DNAH7: variants seen among roughly 807,000 people sequenced by gnomAD.
DNAH7 encodes the protein dynein axonemal heavy chain 7.
DNAH7 carries 397 observed loss-of-function variants against 444.6 expected under a neutral mutation model. The observed-to-expected ratio is 0.89, with a 90% CI of 0.82 to 0.97. The LOEUF (loss-of-function observed/expected upper bound fraction) is 0.97. DNAH7 is among the 50% of genes least tolerant of loss of function. The pLI is 0.00. For synonymous variants in DNAH7, 1,636 were observed against 1,624.4 expected (o/e 1.01, Z -0.17); for missense variants, 4,902 against 4,800.8 (o/e 1.02, Z -0.62).
intron 36 of DNAH7, among the ~76,000 whole-genome samples, chr2:195,880,274 TAAGAACAAAGACTTAGCTATAAA>T (rs1311750360): frequency 1.3e-5 from 2 of 151,646 alleles, no homozygotes; most frequent in Non-Finnish European, 2.9e-5. Flanking sequence ...TAAGCAAAGA[TAAGAACAAAGACTTAGCTATAAA>T]AACGTTCATT....
chr2:195,737,845 G>GGTT lies in DNAH7; in HGVS notation c.*73_*75dup. ...ATGTATTTAAACAAACAAAAAAAAA[G>GGTT]GTTTAAGTAGTAAAATATGCTTTCT... On this transcript the variant is annotated 3_prime_UTR_variant, in exon 65 of 65. Transcript: ENST00000312428. 7.6e-7 allele frequency: 1 copy of GGTT among 1,315,556 alleles called. No individual in the cohort carries two copies. Among genetic ancestry groups the GGTT allele is most frequent in the Non-Finnish European group, 1.1e-6 (1 of 950,002 alleles). 81.5% of individuals were successfully genotyped at this position (1,315,556 alleles called of 1,614,324 possible). A position where few individuals can be genotyped will look rare whatever the true frequency, so the allele number is the denominator to read the frequency against.
intron 51 of DNAH7, among the ~76,000 whole-genome samples, chr2:195,814,761 A>G (rs1242344314): frequency 1.3e-5 from 2 of 151,132 alleles, no homozygotes; most frequent in Non-Finnish European, 2.9e-5. Context: ...TCTTTTGGAG[A>G]TGGGGTCTCA....
chr2:196,020,160 A>G (rs1055942169), intron 8 of DNAH7, among the ~76,000 whole-genome samples: 4 of 151,244 alleles, frequency 2.6e-5, no homozygotes, highest in African/African-American at 9.8e-5. Flanking sequence ...TATAATACAT[A>G]TAACACATAA....
Position 196,013,808 on chromosome 2 carries a change from A to G in DNAH7, c.870-902T>C, listed in dbSNP as rs189424174. On this transcript the variant is annotated intron_variant, in intron 9 of 64. Coordinates refer to ENST00000312428, the MANE Select transcript of DNAH7 (RefSeq NM_018897.3). ...AGCATAATAGCACATAGTAAACATG[A>G]TCTGATCTCTTTAGCTTCCTAGTCA... is the stretch of plus-strand genomic sequence containing the variant. 7.9e-5 allele frequency among the ~76,000 whole-genome samples: 12 copies of G among 152,348 alleles called. No homozygotes were observed. In the East Asian group the frequency reaches 2.1e-3, roughly 27 times the overall value.
chr2:195,947,443 A>G (rs1689893055), intron 19 of DNAH7, among the ~76,000 whole-genome samples: 1 of 151,008 alleles, frequency 6.6e-6, no homozygotes, highest in African/African-American at 2.4e-5. Flanking sequence ...TCCCTCCCCT[A>G]CCCCTTCACC....
intron 10 of DNAH7, among the ~76,000 whole-genome samples, chr2:196,009,280 C>T (rs2125712591): frequency 6.6e-6 from 1 of 152,218 alleles, no homozygotes. Flanking sequence ...GTAATGGTTG[C>T]ACAACCTTGC....
At chr2:195,964,815 G>A (rs1219387962) in intron 17 of DNAH7, among the ~76,000 whole-genome samples, 1 of 151,156 alleles carries the variant, frequency 6.6e-6, no homozygotes, top group Non-Finnish European at 1.5e-5. Context: ...GGCAGAGGTT[G>A]CAGTGAGCCG....
intron 47 of DNAH7, 78 bp downstream of exon 47, chr2:195,844,924 C>A: frequency 7.5e-7 from 1 of 1,337,976 alleles, no homozygotes; most frequent in Non-Finnish European, 1.0e-6. Flanking sequence ...AAGTTTGCTA[C>A]CTAAAATTGT....
At chr2:195,802,612 T>G (rs1395089610) in intron 54 of DNAH7, among the ~76,000 whole-genome samples, 1 of 151,784 alleles carries the variant, frequency 6.6e-6, no homozygotes, top group Non-Finnish European at 1.5e-5. Flanking sequence ...GAGGTTGCAC[T>G]GAGAGGAGAT....
At chr2:195,821,250 T>A (rs943957618) in intron 49 of DNAH7, among the ~76,000 whole-genome samples, 1 of 152,222 alleles carries the variant, frequency 6.6e-6, no homozygotes, top group Non-Finnish European at 1.5e-5. Context: ...AGGTTTTGCC[T>A]GATTTATAAA....
intron 4 of DNAH7, 44 bp downstream of exon 4, chr2:196,048,252 T>C: frequency 6.6e-7 from 1 of 1,517,792 alleles, no homozygotes; most frequent in Non-Finnish European, 9.1e-7. Flanking sequence ...GGTCTCTCTC[T>C]ACAAATTATC....
chr2:195,775,110 C>G (rs936445425), intron 60 of DNAH7, among the ~76,000 whole-genome samples: 2 of 152,078 alleles, frequency 1.3e-5, no homozygotes. Context: ...GTCTCTTTAC[C>G]TCTGAATTGT....
Position 195,897,702 on chromosome 2 carries a change from G to T in DNAH7, c.4612C>A (p.Pro1538Thr), listed in dbSNP as rs533382259. The T allele has an allele frequency of 2.5e-6, 4 of 1,601,636 alleles. No individual in the cohort carries two copies. The highest frequency in any genetic ancestry group is 3.4e-6 in the Non-Finnish European group (4 of 1,173,802). The change falls in exon 29 of 65, where the codon CCA (proline) becomes ACA (threonine). Residue 1538 changes from proline (P) to threonine (T), a missense_variant. Coordinates refer to ENST00000312428, the MANE Select transcript of DNAH7 (RefSeq NM_018897.3). The stretch of plus-strand genomic sequence containing the variant: ...GGTAAATCATGGGATAAAAATTTTG[G>T]CAGATTTACATCAATGATAGATCTA... Reference protein sequence around the residue: ...LLRSIIDVNLPKFLSHDLPLF... With the variant: ...LLRSIIDVNLTKFLSHDLPLF...
In DNAH7 at chr2:195,778,643, AATAT is replaced by A. The variant is rs1169066622; in HGVS notation, c.10879-662_10879-659del. ...GAAAAAAAAAAAAAATAAATAAATA[AATAT>A]ATATATATATATATATATATATACA... On this transcript the variant is annotated intron_variant, in intron 58 of 64. Transcript: ENST00000312428. Among the ~76,000 whole-genome samples, 255 of 56,194 alleles carry A rather than the reference AATAT, an allele frequency of 4.5e-3. 33 individuals carry two copies. Among genetic ancestry groups the A allele is most frequent in the Admixed American group, 4.6e-3 (18 of 3,894 alleles). 36.9% of individuals were successfully genotyped at this position (56,194 alleles called of 152,430 possible).
intron 52 of DNAH7, among the ~76,000 whole-genome samples, chr2:195,809,185 G>A (rs989440540): frequency 7.9e-5 from 12 of 152,166 alleles, no homozygotes; most frequent in African/African-American, 2.4e-4. Flanking sequence ...ACTGCCTAGA[G>A]CCCTATTGGC....
At chr2:196,005,903 T>C (rs1017881186) in intron 10 of DNAH7, among the ~76,000 whole-genome samples, 3 of 149,584 alleles carry the variant, frequency 2.0e-5, no homozygotes, top group Non-Finnish European at 2.9e-5. Flanking sequence ...TAATACCAAC[T>C]ACAAAGACAT....
chr2:195,950,381 A>G (rs1690137207), intron 19 of DNAH7, among the ~76,000 whole-genome samples: 1 of 151,996 alleles, frequency 6.6e-6, no homozygotes, highest in African/African-American at 2.4e-5. Context: ...TAGGTTTTGT[A>G]GTTTATTTAT....
At chr2:195,772,137 G>C (rs531703002) in intron 60 of DNAH7, among the ~76,000 whole-genome samples, 1 of 152,210 alleles carries the variant, frequency 6.6e-6, no homozygotes, top group Non-Finnish European at 1.5e-5. Context: ...AGGATCTGGA[G>C]AAAGCAAATA....
intron 19 of DNAH7, among the ~76,000 whole-genome samples, chr2:195,951,349 T>G (rs757409189): frequency 6.6e-6 from 1 of 152,164 alleles, no homozygotes; most frequent in Non-Finnish European, 1.5e-5. Flanking sequence ...TGAGGAGTGT[T>G]TTACTTCCAA....
Sources: gnomAD v4.1 joint callset for allele counts (sites outside exome capture counted in the v4.1 genomes callset) on GRCh38, gnomAD v4.1.1 for gene constraint, MANE v1.5 for transcripts, NCBI Gene and HGNC (gene_info 2026-07-23, HGNC 2026-07-21) for gene names.